Variants in SPTBN4 observed in about 807,000 individuals in gnomAD.
SPTBN4 encodes the protein spectrin beta chain, non-erythrocytic 4.
In SPTBN4, 96 loss-of-function variants were observed where a neutral mutation model predicts 277.8. That is an observed-to-expected ratio of 0.35 (90% CI 0.29 to 0.41). SPTBN4 has a LOEUF of 0.41. Ranked by LOEUF, SPTBN4 falls within the 10% of genes least tolerant of loss-of-function variation. The pLI is 1.00. For missense variants in SPTBN4, 3,006 were observed against 3,595.7 expected, an observed-to-expected ratio of 0.84 and a Z score of 4.19; for synonymous variants, 1,481 against 1,580.3, an observed-to-expected ratio of 0.94 and a Z score of 1.49.
chr19:40,503,565 G>A (rs1346319398), intron 11 of SPTBN4, among the ~76,000 whole-genome samples: 2 of 149,452 alleles, frequency 1.3e-5, no homozygotes, highest in East Asian at 4.0e-4. Context: ...AGATGGGCTG[G>A]TCTCCAGGGC....
intron 32 of SPTBN4, 40 bp from the exon 33 acceptor site, chr19:40,570,396 C>T: frequency 6.6e-7 from 1 of 1,511,148 alleles, no homozygotes; most frequent in Non-Finnish European, 8.8e-7. Context: ...CCCACACCCT[C>T]TCCATGGACA....
At chr19:40,568,321 G>T in intron 31 of SPTBN4, 39 bp downstream of exon 31, 3 of 1,549,466 alleles carry the variant, frequency 1.9e-6, no homozygotes, top group Non-Finnish European at 1.7e-6. Flanking sequence ...TGAGGGGAGG[G>T]GAAAGCGGAG....
At chr19:40,472,060 T>G (rs113647104) in intron 1 of SPTBN4, among the ~76,000 whole-genome samples, 2 of 151,728 alleles carry the variant, frequency 1.3e-5, no homozygotes, top group African/African-American at 4.8e-5. Flanking sequence ...ACAGGCATAC[T>G]CCACCTCGCC....
At chr19:40,474,000 A>AT (rs935678622) in intron 2 of SPTBN4, among the ~76,000 whole-genome samples, 1 of 151,366 alleles carries the variant, frequency 6.6e-6, no homozygotes, top group Non-Finnish European at 1.5e-5. Flanking sequence ...ATAAAAAAAA[A>AT]AATTAGCCAG....
chr19:40,506,403 G>A lies in SPTBN4; in HGVS notation c.1816+17G>A. The A allele has an allele frequency of 6.2e-7, 1 of 1,604,216 alleles. No homozygotes were observed. The highest frequency in any genetic ancestry group is 1.1e-5 in the South Asian group (1 of 89,788). On this transcript the variant is annotated intron_variant, in intron 13 of 35. Coordinates refer to ENST00000598249, the MANE Select transcript of SPTBN4 (RefSeq NM_020971.3). ...AGCTGCAGGGTGAGTCTTGGGGCTG[G>A]GGCTGGGGCTATGGGTGGAGACTGT...
intron 30 of SPTBN4, chr19:40,567,027 C>G (rs2081099995): frequency 2.3e-6 from 1 of 433,348 alleles, no homozygotes; most frequent in Non-Finnish European, 4.7e-6. Flanking sequence ...GTGGCTCACA[C>G]CTGTACTCTC....
At position 40,524,345 on chromosome 19, in the gene SPTBN4, T is replaced by TA. The variant is rs879363418; in HGVS notation, c.3857+721dup. On this transcript the variant is annotated intron_variant, in intron 17 of 35. Transcript: ENST00000598249. ...CATAGTGAGACCCCTTCTCTAAAAT[T>TA]AAAAAAAAAAAAAAAGCTGGGCGTG... Among the ~76,000 whole-genome samples, 285 of 132,132 alleles carry TA rather than the reference T, an allele frequency of 2.2e-3. 2 individuals carry two copies. The highest frequency in any genetic ancestry group is 3.5e-3 in the South Asian group (14 of 4,034). The allele number at this position is 132,132 out of a possible 152,430, so 86.7% of individuals were successfully genotyped here.
rs1261037687 is a variant in SPTBN4 at position 40,506,257 on chromosome 19, T to C, written c.1687T>C (p.Cys563Arg). Residue 563 changes from cysteine to arginine, a missense_variant, in exon 13 of 36, where the codon TGT (cysteine) becomes CGT (arginine). This residue lies in a region of SPTBN4 where 1,759 missense variants were observed against 2,061.5 expected (regional missense o/e 0.85). Transcript: ENST00000598249. Reference sequence around the variant, plus strand: ...GTAGGCTCAGCTGCTGTCCCGGGAGTGTGGGCAGCACCTGGTGGAGGCAGA... The same window carrying C: ...GTAGGCTCAGCTGCTGTCCCGGGAGCGTGGGCAGCACCTGGTGGAGGCAGA... Reference protein sequence around the residue: ...EMQAQLLSRECGQHLVEADDL... With the variant: ...EMQAQLLSRERGQHLVEADDL... The C allele has an allele frequency of 1.2e-6, 2 of 1,612,646 alleles. No individual in the cohort carries two copies. The highest frequency in any genetic ancestry group is 1.1e-5 in the South Asian group (1 of 90,892).
chr19:40,575,291 C>T, intron 35 of SPTBN4, 120 bp from the exon 36 acceptor site: 1 of 1,188,884 alleles, frequency 8.4e-7, no homozygotes, highest in East Asian at 2.6e-5. Context: ...TCATCATCAT[C>T]ATCCCTTTTT....
At chr19:40,520,186 A>C in intron 16 of SPTBN4, 35 bp downstream of exon 16, 1 of 1,277,744 alleles carries the variant, frequency 7.8e-7, no homozygotes, top group Non-Finnish European at 9.8e-7. Flanking sequence ...GGAGAGGGAG[A>C]GTCCGAGGCC....
At chr19:40,492,652 A>G (rs1348851575) in intron 4 of SPTBN4, among the ~76,000 whole-genome samples, 1 of 152,064 alleles carries the variant, frequency 6.6e-6, no homozygotes, top group Non-Finnish European at 1.5e-5. Context: ...AGGAGTGGGG[A>G]GATCAGCATG....
chr19:40,550,161 C>A, intron 21 of SPTBN4, 77 bp from the exon 22 acceptor site: 1 of 1,219,582 alleles, frequency 8.2e-7, no homozygotes, highest in Non-Finnish European at 1.2e-6. Context: ...GGATGCCGTG[C>A]AGGTTTAAAG....
At chr19:40,558,950 G>T (rs953525654) in intron 26 of SPTBN4, among the ~76,000 whole-genome samples, 139 of 94,410 alleles carry the variant, frequency 1.5e-3, no homozygotes, top group African/African-American at 4.0e-3. Flanking sequence ...TTATTATTAT[G>T]AGGCAGAGTC....
In SPTBN4 at chr19:40,494,660, A is replaced by G. The variant is rs533083965; in HGVS notation, c.588-237A>G. 4.6e-5 allele frequency among the ~76,000 whole-genome samples: 7 copies of G among 151,794 alleles called. No homozygotes were observed. The South Asian group carries it at 8.4e-4, about 18-fold the overall frequency. On this transcript the variant is annotated intron_variant, in intron 5 of 35. Coordinates refer to ENST00000598249, the MANE Select transcript of SPTBN4 (RefSeq NM_020971.3). ...TCTATCACCTATTTATCATCTATCT[A>G]TGTATCTACCTATCTCTCTCTCTAC...
At chr19:40,542,744 A>C (rs543149162) in intron 20 of SPTBN4, among the ~76,000 whole-genome samples, 2 of 151,070 alleles carry the variant, frequency 1.3e-5, no homozygotes, top group South Asian at 4.2e-4. Context: ...ATACAGTCCC[A>C]GTCCTTGCCT....
At chr19:40,542,300 A>G (rs1300447746) in intron 20 of SPTBN4, among the ~76,000 whole-genome samples, 1 of 151,394 alleles carries the variant, frequency 6.6e-6, no homozygotes, top group Non-Finnish European at 1.5e-5. Context: ...CCTCTCCCTC[A>G]TCCCGTACCA....
chr19:40,565,821 G>T (rs552167337), intron 29 of SPTBN4, 76 bp downstream of exon 29: 9 of 1,472,228 alleles, frequency 6.1e-6, no homozygotes, highest in Non-Finnish European at 8.3e-6. Flanking sequence ...GGCCCAGAGG[G>T]TGACAGGAGC....
chr19:40,484,069 C>A (rs1261535467), intron 2 of SPTBN4, among the ~76,000 whole-genome samples: 4 of 151,720 alleles, frequency 2.6e-5, no homozygotes, highest in South Asian at 2.1e-4. Context: ...TTATACAGGG[C>A]AGACCCTGTA....
At chr19:40,569,993 C>CAG (rs1568382108) in intron 32 of SPTBN4, among the ~76,000 whole-genome samples, 1 of 150,438 alleles carries the variant, frequency 6.6e-6, no homozygotes, top group African/African-American at 2.5e-5. Context: ...CACACAGACA[C>CAG]ACACACACAG....
Sources: allele counts gnomAD v4.1 joint callset (sites outside exome capture counted in the v4.1 genomes callset), GRCh38; gene constraint gnomAD v4.1.1; regional missense constraint gnomAD v4.1.1; transcripts MANE v1.5; gene names NCBI Gene and HGNC (gene_info 2026-07-23, HGNC 2026-07-21).